Variants in MCHR2 observed in about 807,000 individuals in gnomAD.
The protein encoded by MCHR2 is melanin concentrating hormone receptor 2, also known as melanin-concentrating hormone receptor 2.
In MCHR2, 15 loss-of-function variants were observed where a neutral mutation model predicts 24.8. The ratio of observed to expected loss-of-function variants is 0.60; its 90% CI spans 0.40 to 0.93. The LOEUF (loss-of-function observed/expected upper bound fraction) is 0.93. MCHR2 is among the 40% of genes least tolerant of loss of function. The pLI, the probability that MCHR2 is intolerant of heterozygous loss-of-function variation, is 0.00. For synonymous variants in MCHR2, 151 were observed against 147.6 expected (o/e 1.02, Z -0.17); for missense variants, 386 against 408.7 (o/e 0.94, Z 0.48).
Position 99,992,939 on chromosome 6 carries a change from A to G in MCHR2, c.-28+997T>C, listed in dbSNP as rs370633725. Among the ~76,000 whole-genome samples the G allele has an allele frequency of 4.7e-4, 71 of 152,184 alleles. No individual in the cohort carries two copies. In the South Asian group the frequency reaches 0.015, roughly 31 times the overall value. On this transcript the variant is annotated intron_variant, in intron 1 of 5. Transcript: ENST00000281806. Reference sequence around the variant, plus strand: ...CCCCCCCATCTCTACCCACTAAGTTATACTAACAAACAGGTTATTATTTAA... The same window carrying G: ...CCCCCCCATCTCTACCCACTAAGTTGTACTAACAAACAGGTTATTATTTAA...
At chr6:99,946,837 T>C (rs1234254494) in intron 3 of MCHR2, among the ~76,000 whole-genome samples, 1 of 152,030 alleles carries the variant, frequency 6.6e-6, no homozygotes, top group Non-Finnish European at 1.5e-5. Flanking sequence ...GAAGACAGAG[T>C]ATCACTGTTG....
rs940631746 is a variant in MCHR2, at chr6:99,994,064, G to A, written c.-156C>T. On this transcript the variant is annotated 5_prime_UTR_variant, in exon 1 of 6. Coordinates refer to ENST00000281806, the MANE Select transcript of MCHR2 (RefSeq NM_001040179.2). ...CAGCGGGTCCCAGCTGACGGAAGGT[G>A]GGGGAGGAGTGCGAGGGTCTCTGAG... 1 of 152,458 alleles carries A rather than the reference G, an allele frequency of 6.6e-6. No individual in the cohort carries two copies. The highest frequency in any genetic ancestry group is 2.4e-5 in the African/African-American group (1 of 41,462). 9.4% of individuals were successfully genotyped at this position (152,458 alleles called of 1,614,324 possible).
intron 1 of MCHR2, among the ~76,000 whole-genome samples, chr6:99,986,866 A>T (rs1775779166): frequency 6.6e-6 from 1 of 150,388 alleles, no homozygotes; most frequent in Non-Finnish European, 1.5e-5. Context: ...ATACATGTAT[A>T]ATATACATGT....
At chr6:99,943,689 G>T (rs1306507652) in intron 3 of MCHR2, among the ~76,000 whole-genome samples, 1 of 152,054 alleles carries the variant, frequency 6.6e-6, no homozygotes, top group Non-Finnish European at 1.5e-5. Context: ...GATCTGCCTG[G>T]TATCTGTAGA....
At chr6:99,972,147 TC>T (rs1204201596) in intron 1 of MCHR2, among the ~76,000 whole-genome samples, 1 of 152,244 alleles carries the variant, frequency 6.6e-6, no homozygotes, top group Non-Finnish European at 1.5e-5. Context: ...TACCAGCTCC[TC>T]CTTGTACCTC....
chr6:99,938,170 C>G (rs1156549870), intron 4 of MCHR2, among the ~76,000 whole-genome samples: 1 of 151,716 alleles, frequency 6.6e-6, no homozygotes, highest in African/African-American at 2.4e-5. Context: ...TGTTGATCGT[C>G]TGTAGTTTTT....
At chr6:99,959,901 A>G (rs1775144832) in intron 1 of MCHR2, among the ~76,000 whole-genome samples, 1 of 151,640 alleles carries the variant, frequency 6.6e-6, no homozygotes, top group South Asian at 2.1e-4. Flanking sequence ...GAAAGGATCC[A>G]TATACATGTT....
At chr6:99,926,174 T>G (rs569955540) in intron 5 of MCHR2, among the ~76,000 whole-genome samples, 1 of 152,308 alleles carries the variant, frequency 6.6e-6, no homozygotes, top group African/African-American at 2.4e-5. Context: ...TCATCATTTT[T>G]TATGGCTGCA....
intron 1 of MCHR2, among the ~76,000 whole-genome samples, chr6:99,992,861 A>T (rs970673050): frequency 6.6e-6 from 1 of 152,192 alleles, no homozygotes; most frequent in African/African-American, 2.4e-5. Flanking sequence ...AATGAAACAC[A>T]AATAATGGGT....
chr6:99,974,986 G>A (rs12055613), intron 1 of MCHR2, among the ~76,000 whole-genome samples: 1 of 152,134 alleles, frequency 6.6e-6, no homozygotes, highest in Non-Finnish European at 1.5e-5. Context: ...TGCCCCTACT[G>A]GGGGGTGCCT....
At chr6:99,979,415 A>G (rs1775622090) in intron 1 of MCHR2, among the ~76,000 whole-genome samples, 1 of 152,186 alleles carries the variant, frequency 6.6e-6, no homozygotes, top group Non-Finnish European at 1.5e-5. Context: ...CCCAGTAGCC[A>G]CTAGCCACAT....
At chr6:99,951,958 C>T (rs1332022315) in intron 2 of MCHR2, among the ~76,000 whole-genome samples, 1 of 151,948 alleles carries the variant, frequency 6.6e-6, no homozygotes, top group Non-Finnish European at 1.5e-5. Context: ...GGATAGGGCA[C>T]CTTTTATAGA....
rs1006176079 is a variant in MCHR2, at chr6:99,925,808, T to G, written c.708-4553A>C. ...TTATTATTTTTGTTTTTTTTGTTAT[T>G]TTATTTTATTTTTTATTTTTATTTT... On this transcript the variant is annotated intron_variant, in intron 5 of 5. Coordinates refer to ENST00000281806, the MANE Select transcript of MCHR2 (RefSeq NM_001040179.2). Among the ~76,000 whole-genome samples, 6 of 151,472 alleles carry G rather than the reference T, an allele frequency of 4.0e-5. 1 individual carries two copies. The highest frequency in any genetic ancestry group is 2.0e-4 in the Admixed American group (3 of 15,220).
chr6:99,927,762 T>G (rs915173298), intron 5 of MCHR2, among the ~76,000 whole-genome samples: 3 of 152,158 alleles, frequency 2.0e-5, no homozygotes, highest in East Asian at 3.9e-4. Context: ...TTTCTAGATA[T>G]ACAATCATGT....
At position 99,935,390 on chromosome 6, in the gene MCHR2, G is replaced by A. The variant is rs374721110; in HGVS notation, c.588-873C>T. Among the ~76,000 whole-genome samples, 264 of 151,908 alleles carry A rather than the reference G, an allele frequency of 1.7e-3. 2 individuals are homozygous for A. In the South Asian group the frequency reaches 0.025, roughly 14 times the overall value. ...ACTTCCTCTACCTTTCCTGGCCTCT[G>A]GTAACCACCAATCTACTATCTTTAT... On this transcript the variant is annotated intron_variant, in intron 4 of 5. Transcript: ENST00000281806.
intron 5 of MCHR2, among the ~76,000 whole-genome samples, chr6:99,931,624 C>T (rs1165723363): frequency 2.6e-5 from 4 of 152,098 alleles, no homozygotes; most frequent in South Asian, 2.1e-4. Flanking sequence ...ACTCTGTGGG[C>T]GTAGGACCCC....
rs1443330502 is a variant in MCHR2 at position 99,920,739 on chromosome 6, A to G, written c.*201T>C. Reference sequence around the variant, plus strand: ...CAGACTATCCCATTCCCTACCCACAATATAGATCAACATTTTACATCTTGC... The same window carrying G: ...CAGACTATCCCATTCCCTACCCACAGTATAGATCAACATTTTACATCTTGC... On this transcript the variant is annotated 3_prime_UTR_variant, in exon 6 of 6. Transcript: ENST00000281806. The G allele has an allele frequency of 6.9e-6, 4 of 581,772 alleles. No individual in the cohort carries two copies. The highest frequency in any genetic ancestry group is 5.6e-5 in the African/African-American group (3 of 53,498). The allele number at this position is 581,772 out of a possible 1,614,324, so 36.0% of individuals were successfully genotyped here.
rs897074931 is a variant in MCHR2 at position 99,919,721 on chromosome 6, T to G, written c.*1219A>C. ...AAAAGGGAATGTTTCTTGTTTTTTT[T>G]TTTGTTTGTTTTGTTTTTTTTTTTG... On this transcript the variant is annotated 3_prime_UTR_variant, in exon 6 of 6. Coordinates refer to ENST00000281806, the MANE Select transcript of MCHR2 (RefSeq NM_001040179.2). Among the ~76,000 whole-genome samples the G allele has an allele frequency of 1.2e-4, 17 of 143,758 alleles. No homozygotes were observed. Among genetic ancestry groups the G allele is most frequent in the Non-Finnish European group, 1.7e-4 (11 of 65,554 alleles). 94.3% of individuals were successfully genotyped at this position (143,758 alleles called of 152,430 possible).
At position 99,934,601 on chromosome 6, in the gene MCHR2, C is replaced by T. The variant is rs550709977; in HGVS notation, c.588-84G>A. 3.0e-5 allele frequency: 37 copies of T among 1,220,840 alleles called. No homozygotes were observed. In the East Asian group the frequency reaches 7.0e-4, roughly 23 times the overall value. 75.6% of individuals were successfully genotyped at this position (1,220,840 alleles called of 1,614,324 possible). Reference sequence around the variant, plus strand: ...ATTAGGAATTGGCTTTTGCAGTTTCCGAGGCATAATTCTTTCATTTTTCAG... The same window carrying T: ...ATTAGGAATTGGCTTTTGCAGTTTCTGAGGCATAATTCTTTCATTTTTCAG... On this transcript the variant is annotated intron_variant, in intron 4 of 5. Coordinates refer to ENST00000281806, the MANE Select transcript of MCHR2 (RefSeq NM_001040179.2).
Sources: allele counts gnomAD v4.1 joint callset (sites outside exome capture counted in the v4.1 genomes callset), GRCh38; gene constraint gnomAD v4.1.1; transcripts MANE v1.5; gene names NCBI Gene and HGNC (gene_info 2026-07-23, HGNC 2026-07-21).